The following TNR variants were observed in gnomAD, a reference collection of about 807,000 sequenced individuals.
TNR encodes tenascin-R.
In TNR, 45 loss-of-function variants were observed where a neutral mutation model predicts 150.4. The observed-to-expected ratio is 0.30, with a 90% CI of 0.24 to 0.38. The LOEUF (loss-of-function observed/expected upper bound fraction) is 0.38. Among genes scored for constraint, TNR ranks in the 10% least tolerant of loss-of-function variants. The pLI, the probability that TNR is intolerant of heterozygous loss-of-function variation, is 1.00. For missense variants in TNR, 1,544 were observed against 1,759.1 expected (o/e 0.88, Z 2.19); for synonymous variants, 687 against 678.4 (o/e 1.01, Z -0.20).
chr1:175,363,927 C>T (rs1571341032), intron 12 of TNR, 100 bp from the exon 13 acceptor site: 1 of 1,401,776 alleles, frequency 7.1e-7, no homozygotes, highest in Non-Finnish European at 9.6e-7. Flanking sequence ...AATGTTGTCC[C>T]AAAGGCAGAC....
intron 2 of TNR, among the ~76,000 whole-genome samples, chr1:175,452,149 G>T (rs966490260): frequency 5.9e-5 from 9 of 152,132 alleles, no homozygotes; most frequent in African/African-American, 2.2e-4. Flanking sequence ...TTCCTTTGAG[G>T]TCCCAGGACC....
At chr1:175,593,686 A>C (rs937254799) in intron 1 of TNR, among the ~76,000 whole-genome samples, 10 of 152,188 alleles carry the variant, frequency 6.6e-5, no homozygotes, top group African/African-American at 2.2e-4. Context: ...AAACCCTGTC[A>C]CTAGCAGCCC....
At chr1:175,412,940 A>C (rs567374578) in intron 2 of TNR, among the ~76,000 whole-genome samples, 1 of 152,200 alleles carries the variant, frequency 6.6e-6, no homozygotes, top group East Asian at 1.9e-4. Context: ...TGAAAACTTC[A>C]CTTCTGGCTT....
intron 1 of TNR, among the ~76,000 whole-genome samples, chr1:175,546,049 C>G (rs1179964259): frequency 6.6e-6 from 1 of 152,200 alleles, no homozygotes; most frequent in Non-Finnish European, 1.5e-5. Flanking sequence ...GGTTTGTTCA[C>G]AGCCTCCCCT....
intron 1 of TNR, among the ~76,000 whole-genome samples, chr1:175,702,042 G>A (rs560580530): frequency 1.3e-5 from 2 of 152,296 alleles, no homozygotes; most frequent in African/African-American, 4.8e-5. Context: ...TGATTAAACA[G>A]TCTTGCCCCT....
chr1:175,472,617 G>A (rs573708194), intron 2 of TNR, among the ~76,000 whole-genome samples: 4 of 152,266 alleles, frequency 2.6e-5, no homozygotes, highest in East Asian at 1.9e-4. Flanking sequence ...TCTTATAATC[G>A]TATGGGACCA....
At chr1:175,725,910 T>G (rs1439701678) in intron 1 of TNR, among the ~76,000 whole-genome samples, 1 of 152,166 alleles carries the variant, frequency 6.6e-6, no homozygotes, top group East Asian at 1.9e-4. Flanking sequence ...TACAATGTGT[T>G]CTTGTTTCTG....
At chr1:175,586,718 A>G (rs912422659) in intron 1 of TNR, among the ~76,000 whole-genome samples, 14 of 152,208 alleles carry the variant, frequency 9.2e-5, no homozygotes, top group African/African-American at 3.4e-4. Flanking sequence ...TCATTAGAGT[A>G]TGTTCCAGAA....
intron 1 of TNR, among the ~76,000 whole-genome samples, chr1:175,565,914 T>C (rs1159503215): frequency 1.3e-5 from 2 of 152,192 alleles, no homozygotes; most frequent in African/African-American, 2.4e-5. Flanking sequence ...GGATGTGAAT[T>C]GAAACTGGAC....
intron 1 of TNR, among the ~76,000 whole-genome samples, chr1:175,738,291 G>A (rs983264537): frequency 1.8e-4 from 28 of 152,158 alleles, no homozygotes; most frequent in Non-Finnish European, 3.7e-4. Context: ...ATGGATGGAT[G>A]AATAAACAAA....
chr1:175,709,338 C>T (rs1228475233), intron 1 of TNR, among the ~76,000 whole-genome samples: 1 of 151,900 alleles, frequency 6.6e-6, no homozygotes, highest in Non-Finnish European at 1.5e-5. Context: ...CACACACACA[C>T]ACACGCACTT....
intron 1 of TNR, among the ~76,000 whole-genome samples, chr1:175,609,547 A>G (rs1413283235): frequency 2.6e-5 from 4 of 152,140 alleles, no homozygotes; most frequent in African/African-American, 9.7e-5. Flanking sequence ...GTGTCATCTG[A>G]GGTGATATCC....
At chr1:175,326,351 G>A (rs1649396435) in intron 21 of TNR, among the ~76,000 whole-genome samples, 2 of 152,170 alleles carry the variant, frequency 1.3e-5, no homozygotes, top group African/African-American at 2.4e-5. Flanking sequence ...AGCGAGGAAA[G>A]ACCTATTCTG....
chr1:175,638,800 A>G (rs1558049313), intron 1 of TNR, among the ~76,000 whole-genome samples: 1 of 152,346 alleles, frequency 6.6e-6, no homozygotes, highest in African/African-American at 2.4e-5. Context: ...ATTTAACTAA[A>G]CAATCCGTCC....
chr1:175,487,904 T>A (rs1356268399), intron 2 of TNR, among the ~76,000 whole-genome samples: 1 of 152,204 alleles, frequency 6.6e-6, no homozygotes, highest in African/African-American at 2.4e-5. Flanking sequence ...GATGGTACTT[T>A]GGATTTTGAA....
At chr1:175,433,782 A>C (rs1261899015) in intron 2 of TNR, among the ~76,000 whole-genome samples, 2 of 152,216 alleles carry the variant, frequency 1.3e-5, no homozygotes, top group African/African-American at 4.8e-5. Context: ...TGATGTAATA[A>C]GCTCAAAGAA....
At chr1:175,441,471 TTAA>T (rs1360612563) in intron 2 of TNR, among the ~76,000 whole-genome samples, 4 of 152,354 alleles carry the variant, frequency 2.6e-5, no homozygotes, top group East Asian at 3.9e-4. Flanking sequence ...TAAATATTTG[TTAA>T]TAATACCAGG....
chr1:175,659,951 G>GT (rs1243630668), intron 1 of TNR, among the ~76,000 whole-genome samples: 1 of 128,088 alleles, frequency 7.8e-6, no homozygotes, highest in African/African-American at 2.9e-5. Flanking sequence ...TCTTTCGCCA[G>GT]TTTTTTTCTG....
intron 1 of TNR, among the ~76,000 whole-genome samples, chr1:175,693,343 A>G (rs1399925165): frequency 1.3e-5 from 2 of 152,148 alleles, no homozygotes; most frequent in African/African-American, 2.4e-5. Context: ...AAGGTGCTCA[A>G]TCATGTGTGG....
Sources: gnomAD v4.1 joint callset for allele counts (sites outside exome capture counted in the v4.1 genomes callset) on GRCh38, gnomAD v4.1.1 for gene constraint, MANE v1.5 for transcripts, NCBI Gene and HGNC (gene_info 2026-07-23, HGNC 2026-07-21) for gene names.